Variants in PLAC1 observed in about 807,000 individuals in gnomAD.
PLAC1 encodes placenta associated 1.
For missense variants in PLAC1, 136 were observed against 163.2 expected (o/e 0.83, Z 0.91); for synonymous variants, 68 against 62.1 (o/e 1.09, Z -0.44).
At chrX:134,597,518 T>C (rs1238819053) in intron 2 of PLAC1, among the ~76,000 whole-genome samples, 2 of 112,498 alleles carry the variant, frequency 1.8e-5, no homozygotes, top group African/African-American at 6.5e-5. Flanking sequence ...GAAATCTTCC[T>C]GGTTCTTGGT....
intron 2 of PLAC1, among the ~76,000 whole-genome samples, chrX:134,583,388 CTT>C (rs752955065): frequency 7.5e-5 from 5 of 66,604 alleles, no homozygotes; most frequent in Non-Finnish European, 8.2e-5. Flanking sequence ...CTATGCCTGG[CTT>C]TTTTTTTTTT....
intron 2 of PLAC1, among the ~76,000 whole-genome samples, chrX:134,592,702 ATC>A (rs1401227155): frequency 4.9e-5 from 5 of 102,135 alleles, no homozygotes; most frequent in Admixed American, 1.1e-4. Flanking sequence ...CAATCAATCA[ATC>A]TCTCTCTCTG....
chrX:134,756,013 G>A (rs1332388862), intron 1 of PLAC1, among the ~76,000 whole-genome samples: 9 of 107,120 alleles, frequency 8.4e-5, no homozygotes, highest in African/African-American at 2.7e-4. Flanking sequence ...CACCACGCCC[G>A]GCTAATTTTT....
chrX:134,691,115 C>CT (rs35070504), intron 2 of PLAC1, among the ~76,000 whole-genome samples: 45,445 of 83,103 alleles, frequency 0.55, 12,864 homozygotes, highest in Non-Finnish European at 0.76. Flanking sequence ...TTTCTTTTTT[C>CT]TTTTTTTTTT....
chrX:134,707,087 T>C (rs922424186), intron 2 of PLAC1, among the ~76,000 whole-genome samples: 32 of 111,822 alleles, frequency 2.9e-4, no homozygotes, highest in African/African-American at 1.0e-3. Context: ...CCCAAATACA[T>C]TAAACCCAAA....
At chrX:134,584,329 T>TA (rs988575339) in intron 2 of PLAC1, among the ~76,000 whole-genome samples, 6 of 111,961 alleles carry the variant, frequency 5.4e-5, no homozygotes, top group African/African-American at 1.9e-4. Flanking sequence ...GGTATCCAGA[T>TA]ATAACCCCAT....
intron 2 of PLAC1, among the ~76,000 whole-genome samples, chrX:134,592,601 T>C (rs1181922408): frequency 9.0e-6 from 1 of 111,130 alleles, no homozygotes; most frequent in Non-Finnish European, 1.9e-5. Flanking sequence ...ACATTAACTC[T>C]TCCCTGAGTC....
intron 1 of PLAC1, among the ~76,000 whole-genome samples, chrX:134,752,240 C>G (rs1602952004): frequency 1.9e-5 from 2 of 103,160 alleles, no homozygotes; most frequent in African/African-American, 4.4e-5. Context: ...TTCATTTCTT[C>G]TTTGTTTGTT....
chrX:134,615,108 GGCCATAT>G (rs2078173360), intron 1 of PLAC1, among the ~76,000 whole-genome samples: 1 of 112,119 alleles, frequency 8.9e-6, no homozygotes, highest in Admixed American at 9.5e-5. Context: ...GGAATTGATA[GGCCATAT>G]GGTAATTCCA....
chrX:134,671,019 T>A (rs960146908), intron 2 of PLAC1, among the ~76,000 whole-genome samples: 2 of 111,700 alleles, frequency 1.8e-5, no homozygotes, highest in Non-Finnish European at 3.8e-5. Flanking sequence ...GTTAAAAAAA[T>A]TTTTAACCCC....
At chrX:134,632,070 C>T (rs1483466010) in intron 1 of PLAC1, among the ~76,000 whole-genome samples, 3 of 111,814 alleles carry the variant, frequency 2.7e-5, no homozygotes, top group African/African-American at 9.8e-5. Context: ...CTTTGTGTGA[C>T]ACCTCCAGGT....
chrX:134,734,502 G>T (rs2078697717), intron 1 of PLAC1, among the ~76,000 whole-genome samples: 1 of 112,256 alleles, frequency 8.9e-6, no homozygotes, highest in Non-Finnish European at 1.9e-5. Context: ...CCAATGGCTG[G>T]CATACAGGGG....
At chrX:134,636,727 T>A (rs2078285016) in intron 1 of PLAC1, among the ~76,000 whole-genome samples, 1 of 112,441 alleles carries the variant, frequency 8.9e-6, no homozygotes, top group Non-Finnish European at 1.9e-5. Flanking sequence ...ATCCTTACTC[T>A]AATTAAAAGA....
chrX:134,575,932 A>G (rs1430089492), intron 2 of PLAC1, among the ~76,000 whole-genome samples: 1 of 108,951 alleles, frequency 9.2e-6, no homozygotes, highest in Non-Finnish European at 1.9e-5. Context: ...AAAAATAAAT[A>G]TAAAAGTCTT....
chrX:134,657,873 T>A (rs897693870), intron 1 of PLAC1, among the ~76,000 whole-genome samples: 5 of 111,419 alleles, frequency 4.5e-5, no homozygotes, highest in Non-Finnish European at 7.5e-5. Context: ...GAAGAGAGAA[T>A]GATGAGATGG....
At chrX:134,598,810 GT>G (rs2078073863) in intron 2 of PLAC1, among the ~76,000 whole-genome samples, 1 of 111,693 alleles carries the variant, frequency 9.0e-6, no homozygotes, top group African/African-American at 3.3e-5. Context: ...CAGATCCTGG[GT>G]GACAGGGAGA....
chrX:134,583,808 C>T (rs189524407), intron 2 of PLAC1, among the ~76,000 whole-genome samples: 3 of 110,534 alleles, frequency 2.7e-5, no homozygotes, highest in East Asian at 2.9e-4. Context: ...AAATTCCTGG[C>T]GCAGATGTCT....
chrX:134,650,114 T>A (rs1269601750), intron 1 of PLAC1, among the ~76,000 whole-genome samples: 2 of 112,380 alleles, frequency 1.8e-5, no homozygotes, highest in African/African-American at 6.5e-5. Flanking sequence ...CATTAGATCA[T>A]ACCCTTTATC....
At chrX:134,629,955 T>C (rs757507743) in intron 1 of PLAC1, among the ~76,000 whole-genome samples, 1 of 108,369 alleles carries the variant, frequency 9.2e-6, no homozygotes, top group East Asian at 3.0e-4. Context: ...TCTTTCTTTC[T>C]TCCTCTTCTT....
Sources: allele counts gnomAD v4.1 joint callset (sites outside exome capture counted in the v4.1 genomes callset), GRCh38; gene constraint gnomAD v4.1.1; transcripts MANE v1.5; gene names NCBI Gene and HGNC (gene_info 2026-07-23, HGNC 2026-07-21).